The following ADGRG7 variants were observed in gnomAD, a reference collection of about 807,000 sequenced individuals.
ADGRG7 encodes G-protein coupled receptor 128.
A neutral mutation model predicts 88.6 loss-of-function variants in ADGRG7; 82 were observed. That is an observed-to-expected ratio of 0.93 (90% CI 0.77 to 1.11). The LOEUF (loss-of-function observed/expected upper bound fraction) is 1.11, where lower values mean the gene tolerates loss of function less well. Ranked by LOEUF, ADGRG7 falls within the 50% of genes most tolerant of loss-of-function variation. The pLI is 0.00. For synonymous variants in ADGRG7, 381 were observed against 345.2 expected (o/e 1.10, Z -1.15); for missense variants, 945 against 953.4 (o/e 0.99, Z 0.12).
chr3:100,666,670 T>C (rs531291032), intron 14 of ADGRG7, among the ~76,000 whole-genome samples: 9 of 152,182 alleles, frequency 5.9e-5, no homozygotes, highest in African/African-American at 1.9e-4. Flanking sequence ...ATACTAATCC[T>C]CCTCAGCACA....
Position 100,609,891 on chromosome 3 carries a change from T to C in ADGRG7, c.35T>C (p.Leu12Pro). The C allele has an allele frequency of 6.2e-7, 1 of 1,614,078 alleles. No homozygotes were observed. The highest frequency in any genetic ancestry group is 8.5e-7 in the Non-Finnish European group (1 of 1,179,922). ...TGCCGTGCCTGGAACCTTAGGGTGC[T>C]GGTGGCTGTCGTGTGTGGACTACTG... The part of the protein sequence containing the change: ...ASCRAWNLRV[L>P]VAVVCGLLTG... The change falls in exon 1 of 16, where the codon CTG becomes CCG. Residue 12 changes from leucine to proline, a missense_variant. By Grantham distance (98) the Leu-to-Pro change is moderately conservative. Coordinates refer to ENST00000273352, the MANE Select transcript of ADGRG7 (RefSeq NM_032787.3).
At chr3:100,629,330 T>A (rs577313012) in intron 1 of ADGRG7, among the ~76,000 whole-genome samples, 1 of 151,982 alleles carries the variant, frequency 6.6e-6, no homozygotes, top group South Asian at 2.1e-4. Context: ...CTATATAATT[T>A]CTGATTTCTC....
chr3:100,643,489 G>A lies in ADGRG7; in HGVS notation c.839-37G>A, dbSNP rs1034970208. 6.2e-6 allele frequency: 10 copies of A among 1,608,700 alleles called. No homozygotes were observed. In the African/African-American group the frequency reaches 1.3e-4, roughly 22 times the overall value. ...ATAATAATGCTCTACTCATGATAAT[G>A]TAGACTTTTACAATTCTACTCTTTC... On this transcript the variant is annotated intron_variant, in intron 7 of 15. Transcript: ENST00000273352.
At chr3:100,659,313 G>C (rs571984003) in intron 13 of ADGRG7, among the ~76,000 whole-genome samples, 1 of 151,704 alleles carries the variant, frequency 6.6e-6, no homozygotes, top group Admixed American at 6.6e-5. Context: ...GGTGGCGGGT[G>C]CCTGTAGTCC....
intron 6 of ADGRG7, among the ~76,000 whole-genome samples, chr3:100,640,970 C>T (rs1047568332): frequency 2.6e-5 from 4 of 152,158 alleles, no homozygotes; most frequent in South Asian, 2.1e-4. Context: ...ATTTACATTT[C>T]GCTTTTCTTT....
chr3:100,645,394 G>A (rs961711493), intron 8 of ADGRG7, among the ~76,000 whole-genome samples: 1 of 152,222 alleles, frequency 6.6e-6, no homozygotes, highest in African/African-American at 2.4e-5. Flanking sequence ...GACAATAGTT[G>A]AAGAGATGGT....
intron 1 of ADGRG7, 71 bp downstream of exon 1, chr3:100,610,042 C>T (rs1050242121): frequency 8.0e-7 from 1 of 1,243,158 alleles, no homozygotes; most frequent in African/African-American, 1.5e-5. Flanking sequence ...CCACCTGGTG[C>T]ACAAGTACTG....
intron 14 of ADGRG7, among the ~76,000 whole-genome samples, chr3:100,666,956 C>T (rs188849289): frequency 3.3e-5 from 5 of 152,214 alleles, no homozygotes; most frequent in East Asian, 3.9e-4. Context: ...TCAGAGAGCA[C>T]GGGGTTGGGG....
intron 15 of ADGRG7, among the ~76,000 whole-genome samples, chr3:100,686,485 C>T (rs2094982840): frequency 6.6e-6 from 1 of 152,220 alleles, no homozygotes; most frequent in African/African-American, 2.4e-5. Flanking sequence ...CCTAGGTTTT[C>T]TTCTACGGTT....
intron 13 of ADGRG7, 150 bp downstream of exon 13, chr3:100,656,145 AT>A (rs2094937253): frequency 3.8e-6 from 2 of 527,434 alleles, no homozygotes; most frequent in African/African-American, 3.7e-5. Flanking sequence ...AGAACACGTT[AT>A]ATTTTAAATG....
chr3:100,655,362 C>T lies in ADGRG7; in HGVS notation c.1726+181C>T, dbSNP rs112478623. On this transcript the variant is annotated intron_variant, in intron 12 of 15. Transcript: ENST00000273352. ...TATATTCCAGTGAAGGAGGCAGATG[C>T]GATCAAGGCAAGAATACGAGATACA... 8.6e-3 allele frequency among the ~76,000 whole-genome samples: 1,309 copies of T among 152,022 alleles called. 14 individuals are homozygous for T. The highest frequency in any genetic ancestry group is 0.019 in the African/African-American group (781 of 41,434).
At chr3:100,689,226 C>T (rs1290397768) in intron 15 of ADGRG7, among the ~76,000 whole-genome samples, 1 of 152,046 alleles carries the variant, frequency 6.6e-6, no homozygotes, top group Non-Finnish European at 1.5e-5. Context: ...TTTCCATTTG[C>T]TTGGTAGATC....
chr3:100,680,558 C>T (rs1559690755), intron 15 of ADGRG7, among the ~76,000 whole-genome samples: 3 of 151,992 alleles, frequency 2.0e-5, no homozygotes, highest in Admixed American at 1.3e-4. Flanking sequence ...CTTTTGGATA[C>T]ATTTAATGTT....
In ADGRG7 at chr3:100,633,327, A is replaced by C. The variant is rs918505379; in HGVS notation, c.397A>C (p.Lys133Gln). The C allele has an allele frequency of 6.3e-7, 1 of 1,591,996 alleles. No homozygotes were observed. The highest frequency in any genetic ancestry group is 8.6e-7 in the Non-Finnish European group (1 of 1,168,538). The change falls in exon 4 of 16, where the codon AAA becomes CAA. Residue 133 changes from lysine (K) to glutamine (Q), a missense_variant. Physicochemically the swap from Lys to Gln is moderately conservative, Grantham distance 53. Transcript: ENST00000273352. The part of the protein sequence containing the change: ...LSLYGEIELQ[K>Q]VTIGNCNENL... ...TCTATATGGAGAGATAGAATTACAA[A>C]AAGTGACAATAGGAAATTGCAATGA...
chr3:100,654,707 C>A (rs1044370652), intron 11 of ADGRG7, 128 bp from the exon 12 acceptor site: 2 of 597,522 alleles, frequency 3.3e-6, no homozygotes, highest in Non-Finnish European at 2.9e-6. Flanking sequence ...CCAGCTGTCA[C>A]AACTGGGCTA....
chr3:100,629,825 A>G lies in ADGRG7; in HGVS notation c.229+114A>G, dbSNP rs1025888951. ...TAATGGTTACAGAAACAATGGACAT[A>G]ATGATGATGGCTTTAGGATGTGTTT... On this transcript the variant is annotated intron_variant, in intron 2 of 15. Coordinates refer to ENST00000273352, the MANE Select transcript of ADGRG7 (RefSeq NM_032787.3). The G allele has an allele frequency of 8.8e-6, 6 of 680,718 alleles. No homozygotes were observed. In the African/African-American group the frequency reaches 9.1e-5, roughly 10 times the overall value. 42.2% of individuals were successfully genotyped at this position (680,718 alleles called of 1,614,324 possible).
intron 2 of ADGRG7, 112 bp downstream of exon 2, chr3:100,629,823 A>G: frequency 2.9e-6 from 2 of 685,846 alleles, no homozygotes; most frequent in Admixed American, 5.0e-5. Flanking sequence ...AACAATGGAC[A>G]TAATGATGAT....
intron 3 of ADGRG7, among the ~76,000 whole-genome samples, chr3:100,631,598 C>A (rs1707460089): frequency 6.6e-6 from 1 of 152,132 alleles, no homozygotes; most frequent in African/African-American, 2.4e-5. Flanking sequence ...TCCTATGGAA[C>A]TAGATATCTC....
At position 100,609,666 on chromosome 3, in the gene ADGRG7, A is replaced by G. The variant is rs770940968; in HGVS notation, c.-191A>G. 1.0e-5 allele frequency: 5 copies of G among 494,082 alleles called. No individual in the cohort carries two copies. The highest frequency in any genetic ancestry group is 1.1e-5 in the Non-Finnish European group (3 of 266,532). The allele number at this position is 494,082 out of a possible 1,614,324, so 30.6% of individuals were successfully genotyped here. Reference sequence around the variant, plus strand: ...GAAAGCAGAGTATGCACCTTTTATTAGGAGATTCAAACTGCATCCTACTGG... The same window carrying G: ...GAAAGCAGAGTATGCACCTTTTATTGGGAGATTCAAACTGCATCCTACTGG... On this transcript the variant is annotated 5_prime_UTR_variant, in exon 1 of 16. Transcript: ENST00000273352.
Sources: gnomAD v4.1 joint callset for allele counts (sites outside exome capture counted in the v4.1 genomes callset) on GRCh38, gnomAD v4.1.1 for gene constraint, MANE v1.5 for transcripts, NCBI Gene and HGNC (gene_info 2026-07-23, HGNC 2026-07-21) for gene names.